PTPRN2: variants seen among roughly 807,000 people sequenced by gnomAD.
PTPRN2 encodes the protein protein tyrosine phosphatase receptor type N2, also known as receptor-type tyrosine-protein phosphatase N2.
Under a neutral mutation model 118.8 loss-of-function variants are expected in PTPRN2, and 74 were observed. That is an observed-to-expected ratio of 0.62 (90% CI 0.52 to 0.76). PTPRN2 has a LOEUF of 0.76. Ranked by LOEUF, PTPRN2 falls within the 30% of genes least tolerant of loss-of-function variation. The pLI is 0.00. For synonymous variants in PTPRN2, 641 were observed against 608.0 expected (o/e 1.05, Z -0.80); for missense variants, 1,481 against 1,394.4 (o/e 1.06, Z -0.99).
At chr7:157,989,354 A>G (rs1563304389) in intron 11 of PTPRN2, among the ~76,000 whole-genome samples, 1 of 152,180 alleles carries the variant, frequency 6.6e-6, no homozygotes, top group Non-Finnish European at 1.5e-5. Context: ...AGGAGGTCTA[A>G]GCTGCAGTGA....
chr7:158,475,070 G>T (rs576610095), intron 2 of PTPRN2, among the ~76,000 whole-genome samples: 1 of 152,290 alleles, frequency 6.6e-6, no homozygotes, highest in South Asian at 2.1e-4. Context: ...CCCGGCTGCA[G>T]CACAGTCTCC....
chr7:157,779,069 C>G lies in PTPRN2; in HGVS notation c.1789-96132G>C, dbSNP rs933509884. On this transcript the variant is annotated intron_variant, in intron 12 of 22. Transcript: ENST00000389418. The surrounding 1 kb of genome is among the most constrained non-coding windows in gnomAD (Gnocchi z 4.7). ...GAGGGGTTGTGCCGGGGTCTTCAGA[C>G]AGTGCCCTCCCTGGGGTCTTGGGAC... Among the ~76,000 whole-genome samples the G allele has an allele frequency of 2.0e-5, 3 of 152,248 alleles. No individual in the cohort carries two copies. Among genetic ancestry groups the G allele is most frequent in the South Asian group, 2.1e-4 (1 of 4,832 alleles).
At chr7:157,982,864 G>C (rs1384144491) in intron 11 of PTPRN2, among the ~76,000 whole-genome samples, 1 of 143,662 alleles carries the variant, frequency 7.0e-6, no homozygotes, top group Non-Finnish European at 1.5e-5. Flanking sequence ...GGAATGCAGA[G>C]TACCGGGTTC....
At chr7:157,878,850 G>A (rs971735097) in intron 12 of PTPRN2, among the ~76,000 whole-genome samples, 1 of 111,382 alleles carries the variant, frequency 9.0e-6, no homozygotes, top group East Asian at 3.0e-4. Context: ...CTTACTCACC[G>A]AGGAGCTCTC....
At chr7:158,178,162 T>C (rs1824378884) in intron 5 of PTPRN2, among the ~76,000 whole-genome samples, 1 of 152,238 alleles carries the variant, frequency 6.6e-6, no homozygotes, top group Non-Finnish European at 1.5e-5. Flanking sequence ...GTCACTCATT[T>C]ATCCTCTTTG....
At chr7:158,238,361 C>T (rs769100438) in intron 3 of PTPRN2, among the ~76,000 whole-genome samples, 19 of 151,988 alleles carry the variant, frequency 1.3e-4, no homozygotes, top group African/African-American at 3.1e-4. Context: ...TAAAATAAAG[C>T]GGGGGGTGTG....
chr7:158,126,462 C>T (rs1400799565), intron 9 of PTPRN2, among the ~76,000 whole-genome samples: 38 of 40,392 alleles, frequency 9.4e-4, no homozygotes, highest in African/African-American at 4.3e-3. Context: ...CAGCGGGCGG[C>T]GGAACTTCCT....
intron 2 of PTPRN2, among the ~76,000 whole-genome samples, chr7:158,452,576 T>C (rs554821260): frequency 1.6e-4 from 24 of 152,200 alleles, no homozygotes; most frequent in African/African-American, 5.5e-4. Context: ...CCCCTCCCAC[T>C]CACAGACTGT....
intron 12 of PTPRN2, among the ~76,000 whole-genome samples, chr7:157,758,173 C>T (rs1196506781): frequency 6.6e-6 from 1 of 152,316 alleles, no homozygotes. Flanking sequence ...GGGCCGGTTG[C>T]GGGGAAGAAA....
chr7:157,872,482 C>T (rs1042568333), intron 12 of PTPRN2, among the ~76,000 whole-genome samples: 4 of 151,086 alleles, frequency 2.6e-5, no homozygotes, highest in South Asian at 2.1e-4. Context: ...TCCCCACACA[C>T]GCATATCCAG....
intron 12 of PTPRN2, among the ~76,000 whole-genome samples, chr7:157,772,737 G>T (rs539363462): frequency 6.6e-6 from 1 of 152,242 alleles, no homozygotes; most frequent in South Asian, 2.1e-4. Context: ...GACCCCTGTG[G>T]GGGGTGGGAG....
Position 157,725,325 on chromosome 7 carries a change from G to A in PTPRN2, c.1789-42388C>T, listed in dbSNP as rs2533292. Among the ~76,000 whole-genome samples the A allele has an allele frequency of 3.6e-4, 31 of 86,176 alleles. 1 individual carries two copies. Among genetic ancestry groups the A allele is most frequent in the African/African-American group, 1.0e-3 (18 of 17,712 alleles). The allele number at this position is 86,176 out of a possible 152,430, so 56.5% of individuals were successfully genotyped here. On this transcript the variant is annotated intron_variant, in intron 12 of 22. Coordinates refer to ENST00000389418, the MANE Select transcript of PTPRN2 (RefSeq NM_002847.5). Reference sequence around the variant, plus strand: ...CCCAGAGGAGTGTGGCCAGACCCTCGCCTCCCAGGAGAACTGGATATCTAC... The same window carrying A: ...CCCAGAGGAGTGTGGCCAGACCCTCACCTCCCAGGAGAACTGGATATCTAC...
intron 9 of PTPRN2, among the ~76,000 whole-genome samples, chr7:158,130,697 A>AC (rs1314986570): frequency 3.3e-5 from 3 of 91,010 alleles, no homozygotes; most frequent in Non-Finnish European, 4.1e-5. Flanking sequence ...ACACACATCT[A>AC]CCCAACACAC....
At chr7:157,709,415 T>C (rs1471802265) in intron 12 of PTPRN2, among the ~76,000 whole-genome samples, 4 of 152,084 alleles carry the variant, frequency 2.6e-5, no homozygotes. Context: ...CTAAGTGAGG[T>C]GTGTGGGACA....
chr7:157,811,950 C>T (rs867331864), intron 12 of PTPRN2, among the ~76,000 whole-genome samples: 5 of 152,122 alleles, frequency 3.3e-5, no homozygotes, highest in Admixed American at 2.0e-4. Flanking sequence ...GCGATGGGGT[C>T]GCTGTCTAAG....
At chr7:158,053,270 T>C (rs2128898321) in intron 11 of PTPRN2, among the ~76,000 whole-genome samples, 1 of 152,120 alleles carries the variant, frequency 6.6e-6, no homozygotes. Flanking sequence ...ACTGACACTG[T>C]AGGAAAATCT....
intron 11 of PTPRN2, among the ~76,000 whole-genome samples, chr7:158,068,998 G>A (rs1810998762): frequency 6.6e-6 from 1 of 152,184 alleles, no homozygotes; most frequent in Non-Finnish European, 1.5e-5. Flanking sequence ...TGATAACCCT[G>A]CTGCCGACAC....
chr7:157,900,840 G>A (rs1420264153), intron 11 of PTPRN2, among the ~76,000 whole-genome samples: 3 of 152,202 alleles, frequency 2.0e-5, no homozygotes, highest in African/African-American at 7.2e-5. Flanking sequence ...CTGTGTAAAT[G>A]CTCCCATCAC....
chr7:158,248,205 G>A (rs533515424), intron 3 of PTPRN2, among the ~76,000 whole-genome samples: 51 of 152,252 alleles, frequency 3.3e-4, no homozygotes, highest in Non-Finnish European at 5.6e-4. Context: ...CACCCCTTCC[G>A]TCTTGACACT....
Sources: gnomAD v4.1 joint callset for allele counts (sites outside exome capture counted in the v4.1 genomes callset) on GRCh38, gnomAD v4.1.1 for gene constraint, Gnocchi (gnomAD v3.1) non-coding constraint, MANE v1.5 for transcripts, NCBI Gene and HGNC (gene_info 2026-07-23, HGNC 2026-07-21) for gene names.